Variants in POU2AF2 observed in about 807,000 individuals in gnomAD.
POU2AF2 encodes the protein POU class 2 homeobox associating factor 2.
chr11:111,255,510 G>C, the POU2AF2 span, among the ~76,000 whole-genome samples: 11 of 152,114 alleles, frequency 7.2e-5, no homozygotes, highest in Admixed American at 5.2e-4. Flanking sequence ...TTTCTTCTTA[G>C]GAACGTAATC....
At chr11:111,260,242 A>G in the POU2AF2 span, among the ~76,000 whole-genome samples, 2 of 152,208 alleles carry the variant, frequency 1.3e-5, no homozygotes, top group African/African-American at 4.8e-5. Flanking sequence ...GAAGTCATTC[A>G]TTAGACATGC....
chr11:111,253,946 C>G, the POU2AF2 span, among the ~76,000 whole-genome samples: 2 of 152,176 alleles, frequency 1.3e-5, no homozygotes, highest in African/African-American at 2.4e-5. Context: ...CTGAGTCTCT[C>G]TCCCCGCTAC....
the POU2AF2 span, among the ~76,000 whole-genome samples, chr11:111,259,030 A>G: frequency 6.6e-6 from 1 of 152,240 alleles, no homozygotes; most frequent in Non-Finnish European, 1.5e-5. Flanking sequence ...TACACATTTG[A>G]AAAATACAAG....
the POU2AF2 span, among the ~76,000 whole-genome samples, chr11:111,259,696 A>T: frequency 3.3e-5 from 5 of 152,212 alleles, no homozygotes; most frequent in African/African-American, 1.2e-4. Flanking sequence ...CGGGTTTTTT[A>T]AAAAGAAATA....
chr11:111,269,611 C>T, the POU2AF2 span, among the ~76,000 whole-genome samples: 13 of 152,008 alleles, frequency 8.6e-5, no homozygotes, highest in Non-Finnish European at 1.5e-5. Flanking sequence ...GCGGAACAGC[C>T]GTGGCAAGTC....
the POU2AF2 span, among the ~76,000 whole-genome samples, chr11:111,264,045 A>G: frequency 6.6e-6 from 1 of 152,240 alleles, no homozygotes; most frequent in Non-Finnish European, 1.5e-5. Flanking sequence ...CATTGCCCTT[A>G]AGAAATGTAC....
chr11:111,267,041 T>A, the POU2AF2 span, among the ~76,000 whole-genome samples: 1 of 152,120 alleles, frequency 6.6e-6, no homozygotes. Flanking sequence ...CACATTTGTC[T>A]CCCCAATCAG....
the POU2AF2 span, among the ~76,000 whole-genome samples, chr11:111,261,362 T>C: frequency 6.6e-6 from 1 of 152,140 alleles, no homozygotes; most frequent in South Asian, 2.1e-4. Context: ...AAGCTAAACA[T>C]CGAATTATTT....
At chr11:111,277,641 G>A in the POU2AF2 span, among the ~76,000 whole-genome samples, 1,382 of 152,344 alleles carry the variant, frequency 9.1e-3, 20 homozygotes, top group African/African-American at 0.031. Flanking sequence ...ATCGGATTGG[G>A]CATGTGTGCT....
At chr11:111,284,466 GC>G in the POU2AF2 span, 1 of 1,422,748 alleles carries the variant, frequency 7.0e-7, no homozygotes, top group Non-Finnish European at 9.3e-7. Context: ...CCGGGTTGAA[GC>G]CAGGTCTGGC....
At chr11:111,264,519 A>G in the POU2AF2 span, among the ~76,000 whole-genome samples, 1 of 63,414 alleles carries the variant, frequency 1.6e-5, no homozygotes, top group Non-Finnish European at 3.1e-5. Context: ...AAAGAAAGAA[A>G]GAAAGAAAGA....
chr11:111,259,097 C>A, the POU2AF2 span, among the ~76,000 whole-genome samples: 2 of 152,112 alleles, frequency 1.3e-5, no homozygotes, highest in Admixed American at 1.3e-4. Flanking sequence ...GCAGCATAGA[C>A]ATGTAATATG....
chr11:111,283,586 A>T, the POU2AF2 span, among the ~76,000 whole-genome samples: 1 of 152,346 alleles, frequency 6.6e-6, no homozygotes, highest in South Asian at 2.1e-4. Flanking sequence ...GTGAAGAATT[A>T]GAAGGCAGAG....
the POU2AF2 span, among the ~76,000 whole-genome samples, chr11:111,260,682 G>C: frequency 6.6e-6 from 1 of 152,178 alleles, no homozygotes; most frequent in Non-Finnish European, 1.5e-5. Flanking sequence ...CTAGAGTCTG[G>C]AGGGCACACA....
At chr11:111,272,991 CTTATAACTGTAGT>C in the POU2AF2 span, among the ~76,000 whole-genome samples, 2 of 152,226 alleles carry the variant, frequency 1.3e-5, no homozygotes, top group Admixed American at 1.3e-4. Flanking sequence ...ATAGTAGATG[CTTATAACTGTAGT>C]TTATATTCAT....
the POU2AF2 span, among the ~76,000 whole-genome samples, chr11:111,264,536 GAA>G: frequency 5.6e-4 from 35 of 63,028 alleles, no homozygotes; most frequent in South Asian, 1.8e-3. Flanking sequence ...AAGAAAGAAA[GAA>G]AGAAAGAAAG....
chr11:111,281,329 G>T, the POU2AF2 span: 1 of 1,333,006 alleles, frequency 7.5e-7, no homozygotes, highest in Non-Finnish European at 1.1e-6. Flanking sequence ...CTTATAAGGT[G>T]TATTCCTAAT....
At chr11:111,263,003 A>C in the POU2AF2 span, among the ~76,000 whole-genome samples, 2 of 152,242 alleles carry the variant, frequency 1.3e-5, no homozygotes, top group East Asian at 1.9e-4. Context: ...TTTTCAAATC[A>C]TTATTACTTA....
chr11:111,280,794 A>C, the POU2AF2 span, among the ~76,000 whole-genome samples: 2 of 152,246 alleles, frequency 1.3e-5, no homozygotes, highest in East Asian at 3.8e-4. Context: ...AAAGAAAAAA[A>C]ATGTATGCTG....
Sources: gnomAD v4.1 joint callset for allele counts (sites outside exome capture counted in the v4.1 genomes callset) on GRCh38, gnomAD v4.1.1 for gene constraint, MANE v1.5 for transcripts, NCBI Gene and HGNC (gene_info 2026-07-23, HGNC 2026-07-21) for gene names.